Variants in CDCP1 observed in about 807,000 individuals in gnomAD.
CDCP1 encodes CUB domain-containing protein 1.
In CDCP1, 29 loss-of-function variants were observed where a neutral mutation model predicts 60.2. The observed-to-expected ratio is 0.48, with a 90% CI of 0.36 to 0.66. The LOEUF is 0.66. Among genes scored for constraint, CDCP1 ranks in the 30% least tolerant of loss-of-function variants. CDCP1 has a pLI of 0.00. For missense variants in CDCP1, 876 were observed against 1,074.3 expected, an observed-to-expected ratio of 0.82 and a Z score of 2.58; for synonymous variants, 387 against 431.1, an observed-to-expected ratio of 0.90 and a Z score of 1.27.
At chr3:45,114,408 A>ACT (rs1396006643) in intron 2 of CDCP1, among the ~76,000 whole-genome samples, 35 of 130,928 alleles carry the variant, frequency 2.7e-4, no homozygotes, top group Admixed American at 1.9e-3. Flanking sequence ...AATTTCATTA[A>ACT]CTCTCTTTTT....
At chr3:45,111,317 A>G (rs1169179214) in intron 3 of CDCP1, among the ~76,000 whole-genome samples, 1 of 152,224 alleles carries the variant, frequency 6.6e-6, no homozygotes, top group Admixed American at 6.5e-5. Flanking sequence ...AATTATGTTA[A>G]TTTAATTCTA....
rs147169827 is a variant in CDCP1, at chr3:45,110,731, C to G, written c.766G>C (p.Val256Leu). ...EDELMTWQFV[V>L]PAHLRASVSF... The stretch of plus-strand genomic sequence containing the variant: ...ACGCTGGCCCGCAGGTGTGCAGGAA[C>G]GACAAACTGCCACGTCATGAGCTCA... Residue 256 changes from valine (V) to leucine (L), a missense_variant, in exon 4 of 9, where the codon GTT (valine) becomes CTT (leucine). By Grantham distance (32) the Val-to-Leu change is conservative. This residue lies in a region of CDCP1 where 726 missense variants were observed against 935.7 expected (regional missense o/e 0.78). Transcript: ENST00000296129. The G allele has an allele frequency of 6.2e-7, 1 of 1,614,172 alleles. No homozygotes were observed. Among genetic ancestry groups the G allele is most frequent in the Non-Finnish European group, 8.5e-7 (1 of 1,180,042 alleles).
chr3:45,138,851 A>T (rs1393853186), intron 1 of CDCP1, among the ~76,000 whole-genome samples: 2 of 152,094 alleles, frequency 1.3e-5, no homozygotes, highest in Non-Finnish European at 2.9e-5. Context: ...CATCTCAAAG[A>T]AAAAAAAGAA....
intron 5 of CDCP1, 117 bp downstream of exon 5, chr3:45,095,230 G>A (rs972505612): frequency 1.6e-5 from 15 of 912,546 alleles, no homozygotes; most frequent in East Asian, 2.7e-5. Flanking sequence ...CATCGTGCCC[G>A]GCCAGATGGG....
chr3:45,137,771 G>C (rs1205614142), intron 1 of CDCP1, among the ~76,000 whole-genome samples: 1 of 147,148 alleles, frequency 6.8e-6, no homozygotes, highest in East Asian at 2.0e-4. Flanking sequence ...AGTGAGTCGA[G>C]ATCATGCCAC....
intron 4 of CDCP1, among the ~76,000 whole-genome samples, chr3:45,100,842 T>G (rs1698475441): frequency 1.3e-5 from 2 of 152,212 alleles, no homozygotes; most frequent in Admixed American, 1.3e-4. Context: ...ACATAACTGG[T>G]ATATGGTAGA....
intron 1 of CDCP1, among the ~76,000 whole-genome samples, chr3:45,135,199 A>C (rs539072553): frequency 2.8e-4 from 42 of 152,144 alleles, no homozygotes; most frequent in Middle Eastern, 6.8e-3. Context: ...AGATGAATAT[A>C]CAAAAATTCA....
intron 1 of CDCP1, among the ~76,000 whole-genome samples, chr3:45,127,667 C>G (rs539871906): frequency 6.6e-6 from 1 of 152,196 alleles, no homozygotes; most frequent in South Asian, 2.1e-4. Flanking sequence ...AGCTGTAAAG[C>G]CTTTCATCCA....
intron 4 of CDCP1, 101 bp from the exon 5 acceptor site, chr3:45,095,669 T>C (rs1370726277): frequency 1.2e-6 from 1 of 856,924 alleles, no homozygotes; most frequent in East Asian, 2.5e-5. Context: ...GAAAATGGCA[T>C]ATCAGACCAT....
chr3:45,137,750 G>A (rs1418627074), intron 1 of CDCP1, among the ~76,000 whole-genome samples: 11 of 150,838 alleles, frequency 7.3e-5, no homozygotes, highest in African/African-American at 2.7e-4. Flanking sequence ...AACCTGGGAG[G>A]CAGAGGCTGC....
chr3:45,093,180 C>T, intron 6 of CDCP1, 97 bp downstream of exon 6: 1 of 1,419,506 alleles, frequency 7.0e-7, no homozygotes. Context: ...GCTATCCCTT[C>T]TTTCCAAACT....
At chr3:45,127,144 G>A (rs562252364) in intron 1 of CDCP1, among the ~76,000 whole-genome samples, 1 of 152,312 alleles carries the variant, frequency 6.6e-6, no homozygotes, top group South Asian at 2.1e-4. Context: ...GTTTTAAATG[G>A]TCCAACAAGC....
At chr3:45,133,290 C>T (rs1699129681) in intron 1 of CDCP1, among the ~76,000 whole-genome samples, 1 of 151,834 alleles carries the variant, frequency 6.6e-6, no homozygotes, top group South Asian at 2.1e-4. Context: ...TTGATCTTAG[C>T]CTTTTGAGAC....
intron 1 of CDCP1, among the ~76,000 whole-genome samples, chr3:45,124,120 C>T (rs145755336): frequency 1.3e-5 from 2 of 152,284 alleles, no homozygotes; most frequent in African/African-American, 2.4e-5. Flanking sequence ...AATCATCATT[C>T]ATGATTCACC....
At chr3:45,102,607 C>T (rs2125993783) in intron 4 of CDCP1, among the ~76,000 whole-genome samples, 1 of 147,762 alleles carries the variant, frequency 6.8e-6, no homozygotes, top group East Asian at 2.0e-4. Flanking sequence ...GAGTTCGAGA[C>T]CAACCTGGCC....
At chr3:45,130,331 G>A (rs2126005877) in intron 1 of CDCP1, among the ~76,000 whole-genome samples, 1 of 152,190 alleles carries the variant, frequency 6.6e-6, no homozygotes, top group Non-Finnish European at 1.5e-5. Context: ...ATGTTGCTCA[G>A]GTTGGTCTTG....
chr3:45,110,218 C>T (rs995460495), intron 4 of CDCP1: 4 of 1,354,466 alleles, frequency 3.0e-6, no homozygotes, highest in African/African-American at 1.5e-5. Flanking sequence ...TCAATGCCTT[C>T]GTTAAAAACA....
chr3:45,085,785 C>T lies in CDCP1; in HGVS notation c.2364G>A (p.Leu788=). ...AGCGAGGAGGTGGCTCCTCAGTGGC[C>T]AACTTTGCAGTTGGGGCCCTGGAGC... ...TICSRAPTAK[L]ATEEPPPRSP... is the part of the protein sequence containing the mutation. The change falls in exon 9 of 9, where the codon TTG becomes TTA. Residue 788 remains leucine, a synonymous_variant. Transcript: ENST00000296129. This position sits in a 1 kb window ranked among gnomAD's most constrained non-coding sequence, Gnocchi z 4.2. 6.2e-7 allele frequency: 1 copy of T among 1,614,084 alleles called. No individual in the cohort carries two copies.
chr3:45,088,249 A>G (rs1698233650), intron 8 of CDCP1, among the ~76,000 whole-genome samples: 1 of 152,182 alleles, frequency 6.6e-6, no homozygotes, highest in Non-Finnish European at 1.5e-5. Context: ...TGGGAAGCCA[A>G]GGTGGGTGGA....
Sources: gnomAD v4.1 joint callset for allele counts (sites outside exome capture counted in the v4.1 genomes callset) on GRCh38, gnomAD v4.1.1 for gene constraint, gnomAD v4.1.1 regional missense constraint, Gnocchi (gnomAD v3.1) non-coding constraint, MANE v1.5 for transcripts, NCBI Gene and HGNC (gene_info 2026-07-23, HGNC 2026-07-21) for gene names.